Variants in AFAP1L1 observed in about 807,000 individuals in gnomAD.
The protein encoded by AFAP1L1 is actin filament-associated protein 1-like 1.
In AFAP1L1, 77 loss-of-function variants were observed where a neutral mutation model predicts 99.8. That is an observed-to-expected ratio of 0.77 (90% CI 0.64 to 0.93). The LOEUF is 0.93. AFAP1L1 is among the 40% of genes least tolerant of loss of function. The pLI is 0.00. For missense variants in AFAP1L1, 893 were observed against 996.8 expected, an observed-to-expected ratio of 0.90 and a Z score of 1.40; for synonymous variants, 373 against 395.3, an observed-to-expected ratio of 0.94 and a Z score of 0.67.
chr5:149,286,549 G>A (rs1755688299), intron 1 of AFAP1L1, among the ~76,000 whole-genome samples: 1 of 152,170 alleles, frequency 6.6e-6, no homozygotes, highest in East Asian at 1.9e-4. Context: ...TCTGCAAGCC[G>A]ATTGTCCACC....
chr5:149,339,998 G>T lies in AFAP1L1; in HGVS notation c.2284-9G>T, dbSNP rs1317246267. On this transcript the variant is annotated splice_polypyrimidine_tract_variant and intron_variant, in intron 18 of 18. Coordinates refer to ENST00000296721, the MANE Select transcript of AFAP1L1 (RefSeq NM_152406.4). ...GCAAATTGATTTGTCTTCTCTTTCTGTGCTTCAGGAATGGGAAATGAAGAA... is the reference window on the plus strand; with the variant it reads ...GCAAATTGATTTGTCTTCTCTTTCTTTGCTTCAGGAATGGGAAATGAAGAA... 6.2e-6 allele frequency: 10 copies of T among 1,613,964 alleles called. No homozygotes were observed. In the East Asian group the frequency reaches 2.2e-4, roughly 36 times the overall value.
intron 7 of AFAP1L1, 94 bp from the exon 8 acceptor site, chr5:149,309,862 G>C: frequency 6.6e-7 from 1 of 1,523,240 alleles, no homozygotes; most frequent in East Asian, 2.3e-5. Context: ...GTCTCTAAAG[G>C]GAGGTCGGGC....
intron 2 of AFAP1L1, 62 bp from the exon 3 acceptor site, chr5:149,300,209 G>T: frequency 8.1e-7 from 1 of 1,238,896 alleles, no homozygotes; most frequent in Middle Eastern, 2.4e-4. Flanking sequence ...AAGTATGAGT[G>T]GGACGGGGGA....
At chr5:149,289,226 AT>A (rs1212325453) in intron 1 of AFAP1L1, among the ~76,000 whole-genome samples, 2 of 152,030 alleles carry the variant, frequency 1.3e-5, no homozygotes, top group African/African-American at 4.8e-5. Context: ...TCTTCCCACT[AT>A]TTTTTGCCTT....
chr5:149,308,168 T>C (rs990210295), intron 7 of AFAP1L1, among the ~76,000 whole-genome samples: 1 of 152,112 alleles, frequency 6.6e-6, no homozygotes, highest in East Asian at 1.9e-4. Context: ...AAAAAAGACC[T>C]GATACAGGCT....
chr5:149,304,735 G>C (rs143635121), intron 5 of AFAP1L1, among the ~76,000 whole-genome samples: 1 of 151,976 alleles, frequency 6.6e-6, no homozygotes, highest in African/African-American at 2.4e-5. Context: ...TGACCCCCCC[G>C]TTCACCTCCC....
rs1756913664 is a variant in AFAP1L1 at position 149,320,249 on chromosome 5, C to G, written c.1626-142C>G. 2 of 751,976 alleles carry G rather than the reference C, an allele frequency of 2.7e-6. No individual in the cohort carries two copies. The highest frequency in any genetic ancestry group is 1.7e-5 in the South Asian group (1 of 60,052). The allele number at this position is 751,976 out of a possible 1,614,324, so 46.6% of individuals were successfully genotyped here. ...CCCTAACACAGCCCATGACACAATG[C>G]TGCCTGCCATCTTGCTTTTACCAAT... On this transcript the variant is annotated intron_variant, in intron 13 of 18. Transcript: ENST00000296721. This position sits in a 1 kb window ranked among gnomAD's most constrained non-coding sequence, Gnocchi z 4.0.
At chr5:149,278,325 C>T (rs1294991480) in intron 1 of AFAP1L1, among the ~76,000 whole-genome samples, 1 of 152,174 alleles carries the variant, frequency 6.6e-6, no homozygotes, top group East Asian at 1.9e-4. Flanking sequence ...CAATCACACC[C>T]TCCACTGAGA....
intron 18 of AFAP1L1, among the ~76,000 whole-genome samples, chr5:149,339,374 T>C (rs1757497439): frequency 6.6e-6 from 1 of 151,990 alleles, no homozygotes; most frequent in African/African-American, 2.4e-5. Flanking sequence ...GTATTTTTAG[T>C]AGAGACGGGG....
chr5:149,322,420 A>G (rs1756975789), intron 14 of AFAP1L1, among the ~76,000 whole-genome samples, 186 bp from the exon 15 acceptor site: 1 of 152,208 alleles, frequency 6.6e-6, no homozygotes, highest in African/African-American at 2.4e-5. Context: ...GCAGAAAGGT[A>G]TGAGGTTCAA....
chr5:149,326,545 TAA>T (rs59762007), intron 15 of AFAP1L1, among the ~76,000 whole-genome samples: 25,508 of 129,456 alleles, frequency 0.2, 2,212 homozygotes, highest in Middle Eastern at 0.4. Flanking sequence ...TCGCCAAAAA[TAA>T]AAAAAAAAAA....
chr5:149,337,430 G>T (rs560869479), intron 18 of AFAP1L1, among the ~76,000 whole-genome samples: 1 of 152,234 alleles, frequency 6.6e-6, no homozygotes, highest in South Asian at 2.1e-4. Context: ...ATAATAAAAG[G>T]GGGAACACCC....
At chr5:149,309,897 T>A in intron 7 of AFAP1L1, 59 bp from the exon 8 acceptor site, 1 of 1,605,862 alleles carries the variant, frequency 6.2e-7, no homozygotes. Flanking sequence ...TGTGTGAGGA[T>A]GTCTCCCTCC....
intron 6 of AFAP1L1, 103 bp downstream of exon 6, chr5:149,306,507 C>T: frequency 1.8e-6 from 2 of 1,081,978 alleles, no homozygotes; most frequent in Non-Finnish European, 2.7e-6. Context: ...CAGCCCCTCA[C>T]CCAGACCATG....
chr5:149,300,853 G>A (rs951614953), intron 3 of AFAP1L1, among the ~76,000 whole-genome samples: 1 of 152,232 alleles, frequency 6.6e-6, no homozygotes, highest in Non-Finnish European at 1.5e-5. Flanking sequence ...GGAGCACACT[G>A]TGCCTTTATA....
intron 1 of AFAP1L1, among the ~76,000 whole-genome samples, chr5:149,284,365 T>G (rs1297693148): frequency 6.6e-6 from 1 of 152,210 alleles, no homozygotes; most frequent in Non-Finnish European, 1.5e-5. Context: ...TCCTTTTGTT[T>G]AACCCCCTGA....
rs77558784 is a variant in AFAP1L1, at chr5:149,278,724, A to G, written c.16+6740A>G. On this transcript the variant is annotated intron_variant, in intron 1 of 18. Coordinates refer to ENST00000296721, the MANE Select transcript of AFAP1L1 (RefSeq NM_152406.4). ...ATGCAATAATATTTGCCTAGCTCCCAGTGCCTGGCCCATAGTAGGTGCTTA... is the reference window on the plus strand; with the variant it reads ...ATGCAATAATATTTGCCTAGCTCCCGGTGCCTGGCCCATAGTAGGTGCTTA... Among the ~76,000 whole-genome samples, 384 of 152,344 alleles carry G rather than the reference A, an allele frequency of 2.5e-3. 4 individuals are homozygous for G. Among genetic ancestry groups the G allele is most frequent in the African/African-American group, 9.0e-3 (373 of 41,582 alleles).
rs1038051354 is a variant in AFAP1L1, at chr5:149,342,575, A to C, written c.*2545A>C. Among the ~76,000 whole-genome samples, 9 of 152,254 alleles carry C rather than the reference A, an allele frequency of 5.9e-5. No individual in the cohort carries two copies. The highest frequency in any genetic ancestry group is 2.6e-4 in the Admixed American group (4 of 15,288). ...TTAGGCAGCTAGGAGAAATGTAAGC[A>C]AAATGGCTAAGGCACAGATGCCACT... On this transcript the variant is annotated 3_prime_UTR_variant, in exon 19 of 19. Transcript: ENST00000296721.
intron 9 of AFAP1L1, among the ~76,000 whole-genome samples, chr5:149,315,459 G>A (rs1756765750): frequency 6.6e-6 from 1 of 152,104 alleles, no homozygotes; most frequent in African/African-American, 2.4e-5. Context: ...TCCCCACAAT[G>A]CCACTGGAAG....
Sources: allele counts gnomAD v4.1 joint callset (sites outside exome capture counted in the v4.1 genomes callset), GRCh38; gene constraint gnomAD v4.1.1; non-coding constraint Gnocchi (gnomAD v3.1); transcripts MANE v1.5; gene names NCBI Gene and HGNC (gene_info 2026-07-23, HGNC 2026-07-21).